Variants in RPTOR observed in about 807,000 individuals in gnomAD.
The protein encoded by RPTOR is regulatory associated protein of MTOR complex 1.
RPTOR carries 21 observed loss-of-function variants against 169.9 expected under a neutral mutation model. The ratio of observed to expected loss-of-function variants is 0.12; its 90% confidence interval spans 0.09 to 0.18. The LOEUF is 0.18. Among genes scored for constraint, RPTOR ranks in the 10% least tolerant of loss-of-function variants. The pLI, the probability that RPTOR is intolerant of heterozygous loss-of-function variation, is 1.00. For missense variants in RPTOR, 1,133 were observed against 1,855.9 expected, an observed-to-expected ratio of 0.61 and a Z score of 7.16; for synonymous variants, 732 against 753.2, an observed-to-expected ratio of 0.97 and a Z score of 0.46.
intron 7 of RPTOR, among the ~76,000 whole-genome samples, chr17:80,792,380 T>A (rs1369213163): frequency 1.3e-5 from 2 of 152,176 alleles, no homozygotes; most frequent in African/African-American, 2.4e-5. Flanking sequence ...GCTTGCCTTG[T>A]GTATCAGGGG....
intron 7 of RPTOR, 149 bp from the exon 8 acceptor site, chr17:80,822,052 C>A: frequency 1.4e-6 from 1 of 706,510 alleles, no homozygotes; most frequent in Non-Finnish European, 2.5e-6. Context: ...GAGTTTGATT[C>A]TCCCTGCCGT....
At chr17:80,672,136 C>T (rs973761700) in intron 3 of RPTOR, among the ~76,000 whole-genome samples, 1 of 152,066 alleles carries the variant, frequency 6.6e-6, no homozygotes, top group Non-Finnish European at 1.5e-5. Flanking sequence ...GAACAGTGGC[C>T]CTGGATACCT....
At position 80,923,606 on chromosome 17, in the gene RPTOR, C is replaced by T. The variant is rs754209706; in HGVS notation, c.2741C>T (p.Ala914Val). ...GRPGTTGPAG[A>V]QYTPHSHQFP... The stretch of plus-strand genomic sequence containing the variant: ...CCGGGCACCACAGGCCCCGCTGGGG[C>T]GCAGTACACCCCTCACTCCCACCAG... Residue 914 changes from alanine (A) to valine (V), a missense_variant, in exon 23 of 34, where the codon GCG (alanine) becomes GTG (valine). Around this residue, in one of 9 missense-constraint regions of RPTOR, gnomAD observed 410 missense variants for 623.7 expected, o/e 0.66. Transcript: ENST00000306801. 1.1e-5 allele frequency: 18 copies of T among 1,613,128 alleles called. No homozygotes were observed. In the Admixed American group the frequency reaches 1.8e-4, roughly 16 times the overall value.
intron 3 of RPTOR, among the ~76,000 whole-genome samples, chr17:80,688,268 C>T (rs548138925): frequency 6.6e-6 from 1 of 152,280 alleles, no homozygotes; most frequent in Admixed American, 6.5e-5. Context: ...TCCCTTCACC[C>T]CCAGCCCCAA....
At chr17:80,603,682 G>T (rs1477655144) in intron 1 of RPTOR, among the ~76,000 whole-genome samples, 1 of 152,168 alleles carries the variant, frequency 6.6e-6, no homozygotes, top group Non-Finnish European at 1.5e-5. Context: ...AGGGAACCAG[G>T]CACAAGTTTC....
chr17:80,935,328 AT>A (rs888489213), intron 24 of RPTOR, among the ~76,000 whole-genome samples: 1 of 152,002 alleles, frequency 6.6e-6, no homozygotes, highest in African/African-American at 2.4e-5. Flanking sequence ...CCCCAATAGG[AT>A]TTTTTTTGGT....
At chr17:80,716,153 A>T (rs775382104) in intron 4 of RPTOR, among the ~76,000 whole-genome samples, 4 of 152,214 alleles carry the variant, frequency 2.6e-5, no homozygotes, top group African/African-American at 4.8e-5. Flanking sequence ...ACTGTTTTCC[A>T]TAGTGGCTGT....
chr17:80,756,622 C>A (rs2066683359), intron 6 of RPTOR, among the ~76,000 whole-genome samples: 1 of 152,084 alleles, frequency 6.6e-6, no homozygotes, highest in South Asian at 2.1e-4. Flanking sequence ...TTCATACGAA[C>A]CAAAAATTAG....
chr17:80,958,123 C>A (rs1331270688), intron 29 of RPTOR, among the ~76,000 whole-genome samples: 1 of 151,694 alleles, frequency 6.6e-6, no homozygotes, highest in Non-Finnish European at 1.5e-5. Context: ...CTGCGTCACC[C>A]AGGCTGGAGT....
rs189989558 is a variant in RPTOR at position 80,593,291 on chromosome 17, G to T, written c.163-32400G>T. 8.7e-4 allele frequency: 135 copies of T among 154,936 alleles called. 1 individual carries two copies. The highest frequency in any genetic ancestry group is 8.7e-3 in the Admixed American group (133 of 15,314). 9.6% of individuals were successfully genotyped at this position (154,936 alleles called of 1,614,324 possible). ...CCACGGTGAACTTGTCAGGTTACCA[G>T]CCTGTTCTGAGGCCTGTTCTGATGA... On this transcript the variant is annotated intron_variant, in intron 1 of 33. Coordinates refer to ENST00000306801, the MANE Select transcript of RPTOR (RefSeq NM_020761.3).
At position 80,743,921 on chromosome 17, in the gene RPTOR, T is replaced by G. The variant is rs375063873; in HGVS notation, c.655-10089T>G. Among the ~76,000 whole-genome samples, 229 of 47,670 alleles carry G rather than the reference T, an allele frequency of 4.8e-3. 42 individuals carry two copies. Among genetic ancestry groups the G allele is most frequent in the South Asian group, 7.8e-3 (12 of 1,546 alleles). The allele number at this position is 47,670 out of a possible 152,430, so 31.3% of individuals were successfully genotyped here. ...TGGTTACGAGCACAGCCCTGGTTAC[T>G]AGCAGAGCCCTGGTTACTAGCACAG... On this transcript the variant is annotated intron_variant, in intron 5 of 33. Transcript: ENST00000306801.
intron 11 of RPTOR, among the ~76,000 whole-genome samples, chr17:80,851,978 C>T (rs548704430): frequency 9.9e-5 from 15 of 152,216 alleles, no homozygotes; most frequent in Admixed American, 3.3e-4. Flanking sequence ...TGATTTCTGA[C>T]GATTGCAGCC....
rs369754442 is a variant in RPTOR at position 80,838,750 on chromosome 17, G to A, written c.1212+753G>A. The stretch of plus-strand genomic sequence containing the variant: ...GAGGCAGGAGGGGACCAGCATCCCC[G>A]CCTCCCGTTGGGGCCACACCTGAGA... On this transcript the variant is annotated intron_variant, in intron 10 of 33. Coordinates refer to ENST00000306801, the MANE Select transcript of RPTOR (RefSeq NM_020761.3). 7.9e-5 allele frequency among the ~76,000 whole-genome samples: 12 copies of A among 152,292 alleles called. No individual in the cohort carries two copies. The East Asian group carries it at 2.1e-3, about 27-fold the overall frequency.
intron 13 of RPTOR, among the ~76,000 whole-genome samples, chr17:80,879,382 C>T (rs2143826223): frequency 6.8e-6 from 1 of 147,704 alleles, no homozygotes; most frequent in African/African-American, 2.5e-5. Context: ...GCTTGCCCTT[C>T]CCCTGCCCCT....
intron 1 of RPTOR, among the ~76,000 whole-genome samples, chr17:80,594,372 G>A (rs563724808): frequency 6.6e-6 from 1 of 152,188 alleles, no homozygotes; most frequent in Non-Finnish European, 1.5e-5. Flanking sequence ...GATTACAGGC[G>A]TGAGCCACCA....
intron 6 of RPTOR, among the ~76,000 whole-genome samples, chr17:80,779,242 A>G (rs2066917218): frequency 6.6e-6 from 1 of 152,202 alleles, no homozygotes; most frequent in South Asian, 2.1e-4. Context: ...TTCTGCCTGT[A>G]GAAACACCAA....
chr17:80,606,037 C>T (rs188247780), intron 1 of RPTOR, among the ~76,000 whole-genome samples: 1 of 152,028 alleles, frequency 6.6e-6, no homozygotes, highest in African/African-American at 2.4e-5. Context: ...TTTGAGATGG[C>T]GTCTCGCTCT....
intron 1 of RPTOR, among the ~76,000 whole-genome samples, chr17:80,554,934 A>G (rs2084390333): frequency 6.6e-6 from 1 of 152,212 alleles, no homozygotes; most frequent in Non-Finnish European, 1.5e-5. Flanking sequence ...ATTTGAATAT[A>G]TAATAAGTTT....
chr17:80,934,954 G>C (rs905235083), intron 24 of RPTOR, among the ~76,000 whole-genome samples: 1 of 151,316 alleles, frequency 6.6e-6, no homozygotes, highest in African/African-American at 2.4e-5. Flanking sequence ...AGGAGGCCAA[G>C]GCAAGGAGGA....
Sources: gnomAD v4.1 joint callset for allele counts (sites outside exome capture counted in the v4.1 genomes callset) on GRCh38, gnomAD v4.1.1 for gene constraint, gnomAD v4.1.1 regional missense constraint, MANE v1.5 for transcripts, NCBI Gene and HGNC (gene_info 2026-07-23, HGNC 2026-07-21) for gene names.